The following ZFAND3 variants were observed in gnomAD, a reference collection of about 807,000 sequenced individuals.
The protein encoded by ZFAND3 is AN1-type zinc finger protein 3.
Under a neutral mutation model 29.6 loss-of-function variants are expected in ZFAND3, and 10 were observed. The ratio of observed to expected loss-of-function variants is 0.34; its 90% CI spans 0.21 to 0.57. The LOEUF is 0.57. ZFAND3 is among the 20% of genes least tolerant of loss of function. The pLI, the probability that ZFAND3 is intolerant of heterozygous loss-of-function variation, is 0.86. For synonymous variants in ZFAND3, 128 were observed against 112.6 expected (o/e 1.14, Z -0.87); for missense variants, 230 against 304.5 (o/e 0.76, Z 1.82).
chr6:37,841,915 AT>A (rs944280093), intron 1 of ZFAND3, among the ~76,000 whole-genome samples: 1 of 152,170 alleles, frequency 6.6e-6, no homozygotes, highest in Non-Finnish European at 1.5e-5. Context: ...TACTTGGGTA[AT>A]TTATAAACAG....
chr6:38,154,041 C>T lies in ZFAND3; in HGVS notation c.*1652C>T, dbSNP rs374794902. The T allele has an allele frequency of 7.1e-6, 7 of 985,516 alleles. No homozygotes were observed. Among genetic ancestry groups the T allele is most frequent in the Non-Finnish European group, 8.4e-6 (7 of 829,960 alleles). The allele number at this position is 985,516 out of a possible 1,614,324, so 61.0% of individuals were successfully genotyped here. A position where few individuals can be genotyped will look rare whatever the true frequency, so the allele number is the denominator to read the frequency against. On this transcript the variant is annotated 3_prime_UTR_variant, in exon 6 of 6. Coordinates refer to ENST00000287218, the MANE Select transcript of ZFAND3 (RefSeq NM_021943.3). ...ACCCTCCACCCACCAGAGTGGAACC[C>T]GCTGCAAAATCCCCAGCCTTAATTC... is the stretch of plus-strand genomic sequence containing the variant.
chr6:37,833,478 A>G (rs758564442), intron 1 of ZFAND3, among the ~76,000 whole-genome samples: 7 of 152,100 alleles, frequency 4.6e-5, no homozygotes, highest in Non-Finnish European at 8.8e-5. Flanking sequence ...TAATTGAAGT[A>G]TGACTTAGTT....
At chr6:37,867,649 C>T (rs1341390994) in intron 1 of ZFAND3, among the ~76,000 whole-genome samples, 1 of 152,076 alleles carries the variant, frequency 6.6e-6, no homozygotes, top group Non-Finnish European at 1.5e-5. Flanking sequence ...AATATAATAA[C>T]TGTTTGCATA....
chr6:38,152,619 TGAA>T lies in ZFAND3; in HGVS notation c.*234_*236del. On this transcript the variant is annotated 3_prime_UTR_variant, in exon 6 of 6. Coordinates refer to ENST00000287218, the MANE Select transcript of ZFAND3 (RefSeq NM_021943.3). ...CTAGCCATTGTATAAAATTAAAACATGAAGAATATTTTTTTTTTGAGCATGGCT... is the reference window on the plus strand; with the variant it reads ...CTAGCCATTGTATAAAATTAAAACATGAATATTTTTTTTTTGAGCATGGCT... 8.1e-7 allele frequency: 1 copy of T among 1,228,642 alleles called. No homozygotes were observed. Among genetic ancestry groups the T allele is most frequent in the Non-Finnish European group, 1.0e-6 (1 of 985,304 alleles). 76.1% of individuals were successfully genotyped at this position (1,228,642 alleles called of 1,614,324 possible).
intron 2 of ZFAND3, among the ~76,000 whole-genome samples, chr6:38,011,131 T>C (rs1357084161): frequency 6.6e-6 from 1 of 152,148 alleles, no homozygotes; most frequent in Non-Finnish European, 1.5e-5. Context: ...TGGGACTCAT[T>C]CATGTTGTTT....
Position 38,152,359 on chromosome 6 carries a change from C to A in ZFAND3, c.654C>A (p.Ser218=). The part of the protein sequence containing the change: ...MVKLDRKVGR[S]CQRIGEGCS ...AGCTGGACCGGAAAGTGGGGCGCTC[C>A]TGCCAGCGCATCGGGGAGGGGTGCT... is the stretch of plus-strand genomic sequence containing the variant. Residue 218 remains serine, a synonymous_variant, in exon 6 of 6, where the codon TCC becomes TCA. Coordinates refer to ENST00000287218, the MANE Select transcript of ZFAND3 (RefSeq NM_021943.3). The A allele has an allele frequency of 6.2e-7, 1 of 1,605,552 alleles. No homozygotes were observed. The highest frequency in any genetic ancestry group is 8.5e-7 in the Non-Finnish European group (1 of 1,176,212).
At chr6:38,096,947 C>T (rs1032479546) in intron 4 of ZFAND3, among the ~76,000 whole-genome samples, 2 of 152,104 alleles carry the variant, frequency 1.3e-5, no homozygotes, top group Admixed American at 6.6e-5. Context: ...TTCTGAATTA[C>T]CAGTAATTAC....
intron 1 of ZFAND3, among the ~76,000 whole-genome samples, chr6:37,855,393 C>A (rs1194683729): frequency 6.6e-6 from 1 of 151,616 alleles, no homozygotes; most frequent in East Asian, 1.9e-4. Context: ...CTCAGGTGAT[C>A]CACTTGCCTT....
At chr6:37,878,600 C>A (rs1045589482) in intron 1 of ZFAND3, among the ~76,000 whole-genome samples, 1 of 152,218 alleles carries the variant, frequency 6.6e-6, no homozygotes, top group African/African-American at 2.4e-5. Context: ...TGGGGAGTCC[C>A]ACCACTGGCA....
chr6:37,929,881 T>A (rs1194432310), intron 1 of ZFAND3, 78 bp from the exon 2 acceptor site: 1 of 1,402,694 alleles, frequency 7.1e-7, no homozygotes, highest in Admixed American at 2.4e-5. Context: ...TGCCTACGTT[T>A]CTGACATCTT....
chr6:38,047,969 T>G (rs1394665042), intron 2 of ZFAND3, among the ~76,000 whole-genome samples: 1 of 131,596 alleles, frequency 7.6e-6, no homozygotes, highest in Non-Finnish European at 1.6e-5. Context: ...TTTGGGTTTT[T>G]TTTGTTTTTT....
intron 3 of ZFAND3, among the ~76,000 whole-genome samples, chr6:38,066,931 A>G (rs1764357807): frequency 6.6e-6 from 1 of 152,188 alleles, no homozygotes; most frequent in South Asian, 2.1e-4. Context: ...CCTGTCCCAA[A>G]CTGTGTGTGT....
At chr6:37,891,597 A>T (rs544121074) in intron 1 of ZFAND3, among the ~76,000 whole-genome samples, 1 of 150,666 alleles carries the variant, frequency 6.6e-6, no homozygotes, top group Admixed American at 6.6e-5. Context: ...AATAAATAAT[A>T]AATAAATAAA....
chr6:37,982,076 A>G lies in ZFAND3; in HGVS notation c.112+52077A>G, dbSNP rs567073330. The stretch of plus-strand genomic sequence containing the variant: ...TGCCTTAGTCTGGCTTAGTGAAACA[A>G]TAGGGCAAAGGAAGCAATCAGATGT... On this transcript the variant is annotated intron_variant, in intron 2 of 5. Coordinates refer to ENST00000287218, the MANE Select transcript of ZFAND3 (RefSeq NM_021943.3). Among the ~76,000 whole-genome samples, 6 of 152,306 alleles carry G rather than the reference A, an allele frequency of 3.9e-5. No homozygotes were observed. In the East Asian group the frequency reaches 5.8e-4, roughly 15 times the overall value.
intron 2 of ZFAND3, among the ~76,000 whole-genome samples, chr6:37,988,488 T>C (rs944067592): frequency 9.2e-5 from 14 of 152,216 alleles, no homozygotes; most frequent in African/African-American, 3.4e-4. Context: ...ATTCCTGACA[T>C]TATGCATTAT....
intron 1 of ZFAND3, among the ~76,000 whole-genome samples, chr6:37,918,647 ATTATC>A (rs1181548975): frequency 4.6e-5 from 7 of 152,268 alleles, no homozygotes; most frequent in African/African-American, 1.7e-4. Context: ...GTAAGCCTGA[ATTATC>A]TTAATGAGAG....
At chr6:37,861,147 C>T (rs1007556388) in intron 1 of ZFAND3, among the ~76,000 whole-genome samples, 7 of 152,074 alleles carry the variant, frequency 4.6e-5, no homozygotes, top group African/African-American at 1.2e-4. Context: ...ATCTAAGCTA[C>T]TTGGGAGGCT....
At position 38,152,229 on chromosome 6, in the gene ZFAND3, C is replaced by A; in HGVS notation, c.530-6C>A. 1 of 1,502,668 alleles carries A rather than the reference C, an allele frequency of 6.7e-7. No individual in the cohort carries two copies. Among genetic ancestry groups the A allele is most frequent in the Non-Finnish European group, 8.9e-7 (1 of 1,122,354 alleles). 93.1% of individuals were successfully genotyped at this position (1,502,668 alleles called of 1,614,324 possible). A position where few individuals can be genotyped will look rare whatever the true frequency, so the allele number is the denominator to read the frequency against. ...ACTCTTTCCTCTGCTTCTCCCGCTGCTGCAGGTTATGTGTTCTGTATGTTA... is the reference window on the plus strand; with the variant it reads ...ACTCTTTCCTCTGCTTCTCCCGCTGATGCAGGTTATGTGTTCTGTATGTTA... On this transcript the variant is annotated splice_polypyrimidine_tract_variant and splice_region_variant and intron_variant, in intron 5 of 5. Transcript: ENST00000287218.
chr6:38,131,553 A>G (rs1347698189), intron 5 of ZFAND3, among the ~76,000 whole-genome samples: 1 of 152,264 alleles, frequency 6.6e-6, no homozygotes, highest in Admixed American at 6.5e-5. Context: ...GCAAATGAGT[A>G]GTACCCACAT....
Sources: gnomAD v4.1 joint callset for allele counts (sites outside exome capture counted in the v4.1 genomes callset) on GRCh38, gnomAD v4.1.1 for gene constraint, MANE v1.5 for transcripts, NCBI Gene and HGNC (gene_info 2026-07-23, HGNC 2026-07-21) for gene names.